PLXNA4: variants seen among roughly 807,000 people sequenced by gnomAD.
The protein encoded by PLXNA4 is plexin-A4.
A neutral mutation model predicts 191.8 loss-of-function variants in PLXNA4; 44 were observed. The ratio of observed to expected loss-of-function variants is 0.23; its 90% CI spans 0.18 to 0.29. The LOEUF is 0.29. PLXNA4 is among the 10% of genes least tolerant of loss of function. PLXNA4 has a pLI of 1.00. For missense variants in PLXNA4, 1,800 were observed against 2,488.8 expected (o/e 0.72, Z 5.89); for synonymous variants, 1,082 against 1,009.5 (o/e 1.07, Z -1.36).
intron 12 of PLXNA4, among the ~76,000 whole-genome samples, chr7:132,199,608 A>G (rs1797367025): frequency 1.3e-5 from 2 of 152,178 alleles, no homozygotes; most frequent in Non-Finnish European, 2.9e-5. Context: ...ACCTTAGCCA[A>G]TGTCAGCAGG....
chr7:132,261,748 C>A (rs1799653630), intron 4 of PLXNA4, among the ~76,000 whole-genome samples: 1 of 152,200 alleles, frequency 6.6e-6, no homozygotes, highest in African/African-American at 2.4e-5. Context: ...TGCCTCCGAG[C>A]ACATCCTCTG....
chr7:132,290,262 C>T (rs1800835927), intron 4 of PLXNA4, among the ~76,000 whole-genome samples: 1 of 152,202 alleles, frequency 6.6e-6, no homozygotes, highest in South Asian at 2.1e-4. Flanking sequence ...CTTCTGGCTT[C>T]CAGGAAGGAA....
At chr7:132,296,001 C>T (rs951491924) in intron 4 of PLXNA4, among the ~76,000 whole-genome samples, 4 of 152,184 alleles carry the variant, frequency 2.6e-5, no homozygotes, top group Non-Finnish European at 5.9e-5. Context: ...AAGATTCCCA[C>T]TCAGACATTT....
chr7:132,282,737 T>A (rs191282964), intron 4 of PLXNA4, among the ~76,000 whole-genome samples: 237 of 145,734 alleles, frequency 1.6e-3, no homozygotes, highest in African/African-American at 5.8e-3. Context: ...GGCATCAAAA[T>A]GCATAACACT....
At chr7:132,214,608 C>A (rs1797908144) in intron 9 of PLXNA4, among the ~76,000 whole-genome samples, 1 of 152,092 alleles carries the variant, frequency 6.6e-6, no homozygotes, top group South Asian at 2.1e-4. Flanking sequence ...ATTCCAGATG[C>A]AAAATCACCT....
chr7:132,317,216 G>A (rs1801976705), intron 3 of PLXNA4, among the ~76,000 whole-genome samples: 1 of 151,792 alleles, frequency 6.6e-6, no homozygotes, highest in Non-Finnish European at 1.5e-5. Context: ...GTGTTGGGTT[G>A]TGTGTGCTGT....
Position 132,171,941 on chromosome 7 carries a change from C to T in PLXNA4, c.4017+2837G>A, listed in dbSNP as rs946854611. On this transcript the variant is annotated intron_variant, in intron 21 of 31. Coordinates refer to ENST00000321063, the MANE Select transcript of PLXNA4 (RefSeq NM_020911.2). ...ACTTAAACGGCAACAGTTTTATTACCTGCCTTTCAGACTCCCTGGACTGCT... is the reference window on the plus strand; with the variant it reads ...ACTTAAACGGCAACAGTTTTATTACTTGCCTTTCAGACTCCCTGGACTGCT... Among the ~76,000 whole-genome samples the T allele has an allele frequency of 5.7e-4, 86 of 152,148 alleles. 4 individuals carry two copies. The highest frequency in any genetic ancestry group is 1.5e-5 in the Non-Finnish European group (1 of 68,020).
intron 3 of PLXNA4, among the ~76,000 whole-genome samples, chr7:132,415,452 G>A (rs1311898910): frequency 6.6e-6 from 1 of 152,132 alleles, no homozygotes; most frequent in East Asian, 1.9e-4. Context: ...TCTGGTGCAG[G>A]GAACAGAGGT....
intron 3 of PLXNA4, among the ~76,000 whole-genome samples, chr7:132,416,738 G>A (rs1794674364): frequency 6.6e-6 from 1 of 152,108 alleles, no homozygotes. Context: ...CTGGAGTTTG[G>A]GAAGCAGCCC....
chr7:132,294,514 T>C (rs1398393111), intron 4 of PLXNA4, among the ~76,000 whole-genome samples: 1 of 152,116 alleles, frequency 6.6e-6, no homozygotes, highest in Non-Finnish European at 1.5e-5. Flanking sequence ...GATTAACTGC[T>C]GCATGGAGAA....
intron 3 of PLXNA4, among the ~76,000 whole-genome samples, chr7:132,447,401 GT>G (rs946609797): frequency 1.3e-5 from 2 of 152,202 alleles, no homozygotes; most frequent in African/African-American, 4.8e-5. Context: ...GTGGGACCAG[GT>G]GAATTTTGAT....
At chr7:132,243,309 A>G (rs915684877) in intron 4 of PLXNA4, among the ~76,000 whole-genome samples, 2 of 152,170 alleles carry the variant, frequency 1.3e-5, no homozygotes, top group African/African-American at 4.8e-5. Flanking sequence ...TTAAACAGAA[A>G]ATCATGCCTT....
At chr7:132,283,454 C>T (rs1002287671) in intron 4 of PLXNA4, among the ~76,000 whole-genome samples, 1 of 152,208 alleles carries the variant, frequency 6.6e-6, no homozygotes, top group Non-Finnish European at 1.5e-5. Context: ...TTTGTGTGAG[C>T]ATGAGCAAGC....
chr7:132,168,530 G>A lies in PLXNA4; in HGVS notation c.4060C>T (p.Leu1354Phe). 1.2e-6 allele frequency: 2 copies of A among 1,608,228 alleles called. No individual in the cohort carries two copies. Among genetic ancestry groups the A allele is most frequent in the Non-Finnish European group, 1.7e-6 (2 of 1,176,492 alleles). Residue 1354 changes from leucine (L) to phenylalanine (F), a missense_variant, in exon 22 of 32, where the codon CTC becomes TTC. This residue lies in a region of PLXNA4 where 1,397 missense variants were observed against 1,880.4 expected (regional missense o/e 0.74). Coordinates refer to ENST00000321063, the MANE Select transcript of PLXNA4 (RefSeq NM_020911.2). ...RQERVEKGLK[L>F]FAQLINNKVF... Reference sequence around the variant, plus strand: ...TTGTTGTTGATGAGCTGGGCGAAGAGCTTCAGGCCTTTCTCCACACGCTCC... The same window carrying A: ...TTGTTGTTGATGAGCTGGGCGAAGAACTTCAGGCCTTTCTCCACACGCTCC...
At chr7:132,204,182 C>A (rs963258697) in intron 10 of PLXNA4, among the ~76,000 whole-genome samples, 7 of 152,194 alleles carry the variant, frequency 4.6e-5, no homozygotes, top group Non-Finnish European at 7.3e-5. Context: ...GTCCTGCTCC[C>A]CTACCTGGCT....
At chr7:132,152,674 C>T (rs1279917299) in intron 25 of PLXNA4, among the ~76,000 whole-genome samples, 1 of 152,176 alleles carries the variant, frequency 6.6e-6, no homozygotes, top group Non-Finnish European at 1.5e-5. Flanking sequence ...TGGCCAGCAT[C>T]CTCCCGTGAA....
At chr7:132,194,657 T>G (rs549686120) in intron 13 of PLXNA4, among the ~76,000 whole-genome samples, 1 of 152,292 alleles carries the variant, frequency 6.6e-6, no homozygotes, top group East Asian at 1.9e-4. Flanking sequence ...GAAGTGCTTT[T>G]GCTTCCCAGC....
chr7:132,537,287 G>A (rs1026678812), intron 1 of PLXNA4, among the ~76,000 whole-genome samples: 1 of 152,246 alleles, frequency 6.6e-6, no homozygotes, highest in African/African-American at 2.4e-5. Flanking sequence ...TAAGGCAGGA[G>A]GTTGGAGCAA....
At chr7:132,575,881 T>C (rs1802201529) in intron 1 of PLXNA4, among the ~76,000 whole-genome samples, 1 of 152,080 alleles carries the variant, frequency 6.6e-6, no homozygotes, top group Non-Finnish European at 1.5e-5. Flanking sequence ...CTATCTGGCC[T>C]CCTCCCCGGG....
Sources: gnomAD v4.1 joint callset for allele counts (sites outside exome capture counted in the v4.1 genomes callset) on GRCh38, gnomAD v4.1.1 for gene constraint, gnomAD v4.1.1 regional missense constraint, MANE v1.5 for transcripts, NCBI Gene and HGNC (gene_info 2026-07-23, HGNC 2026-07-21) for gene names.